Variants in EPS8L2 observed in about 807,000 individuals in gnomAD.
The protein encoded by EPS8L2 is EPS8 signaling adaptor L2, also known as epidermal growth factor receptor kinase substrate 8-like protein 2.
Under a neutral mutation model 99.4 loss-of-function variants are expected in EPS8L2, and 81 were observed. The observed-to-expected ratio is 0.82, with a 90% CI of 0.68 to 0.98. The LOEUF (loss-of-function observed/expected upper bound fraction) is 0.98. EPS8L2 is among the 50% of genes least tolerant of loss of function. EPS8L2 has a pLI of 0.00. For missense variants in EPS8L2, 1,155 were observed against 968.8 expected (o/e 1.19, Z -2.55); for synonymous variants, 509 against 407.3 (o/e 1.25, Z -3.01).
At position 726,441 on chromosome 11, in the gene EPS8L2, G is replaced by A. The variant is rs1303428385; in HGVS notation, c.1891G>A (p.Asp631Asn). The change falls in exon 19 of 21, where the codon GAC becomes AAC. Residue 631 changes from aspartate (D) to asparagine (N), a missense_variant. By Grantham distance (23) the Asp-to-Asn change is conservative. Transcript: ENST00000318562. ...SQPLTYESGP[D>N]EVRAWLEAKA... ...GCCGCTCACCTACGAGTCGGGTCCG[G>A]ACGAGGTCCGCGCCTGGCTGGAAGC... is the stretch of plus-strand genomic sequence containing the variant. The A allele has an allele frequency of 1.3e-6, 2 of 1,590,890 alleles. No homozygotes were observed. The highest frequency in any genetic ancestry group is 1.7e-6 in the Non-Finnish European group (2 of 1,170,348).
At position 721,293 on chromosome 11, in the gene EPS8L2, C is replaced by G. The variant is rs548063340; in HGVS notation, c.709C>G (p.Arg237Gly). The change falls in exon 9 of 21, where the codon CGT becomes GGT. Residue 237 changes from arginine to glycine, a missense_variant. Transcript: ENST00000318562. The stretch of plus-strand genomic sequence containing the variant: ...GCCGTGTCCCCCATCAGGTTTCCGC[C>G]GTCGGGAGTCGCAGGAGGAGCCGCG... ...QVPLSEPGFR[R>G]RESQEEPRAV... 1 of 1,539,980 alleles carries G rather than the reference C, an allele frequency of 6.5e-7. No individual in the cohort carries two copies. The highest frequency in any genetic ancestry group is 8.7e-7 in the Non-Finnish European group (1 of 1,146,428).
intron 3 of EPS8L2, 107 bp from the exon 4 acceptor site, chr11:710,315 C>A: frequency 9.3e-7 from 1 of 1,074,256 alleles, no homozygotes; most frequent in Non-Finnish European, 1.4e-6. Context: ...GTCCACGGAG[C>A]AGCCTCCCTC....
chr11:717,877 C>T (rs980411488), intron 4 of EPS8L2, among the ~76,000 whole-genome samples: 21 of 151,974 alleles, frequency 1.4e-4, no homozygotes, highest in East Asian at 3.9e-4. Context: ...GGCGTGGTGG[C>T]AGGCGCCTGT....
chr11:719,678 G>A (rs893030221), intron 4 of EPS8L2, among the ~76,000 whole-genome samples: 6 of 152,230 alleles, frequency 3.9e-5, no homozygotes, highest in South Asian at 2.1e-4. Flanking sequence ...AGGGCAGGTC[G>A]GGATGGGGTG....
chr11:725,101 C>A (rs1192605964), intron 16 of EPS8L2, among the ~76,000 whole-genome samples: 4 of 152,200 alleles, frequency 2.6e-5, no homozygotes, highest in Non-Finnish European at 4.4e-5. Flanking sequence ...GTGGACTCAG[C>A]GGGGGCCTGT....
At chr11:720,958 C>CCCGGCAGGGGAGGGGCGGAG in intron 7 of EPS8L2, 49 bp downstream of exon 7, 3 of 1,015,846 alleles carry the variant, frequency 3.0e-6, no homozygotes, top group Non-Finnish European at 4.0e-6. Flanking sequence ...AGGGGAGGAG[C>CCCGGCAGGGGAGGGGCGGAG]CCGGCAGGGG....
intron 14 of EPS8L2, 146 bp from the exon 15 acceptor site, chr11:723,095 C>T (rs1001855111): frequency 1.4e-5 from 8 of 584,040 alleles, no homozygotes; most frequent in Non-Finnish European, 2.1e-5. Flanking sequence ...AGAGGCAACC[C>T]ATGCTGGCAT....
intron 1 of EPS8L2, among the ~76,000 whole-genome samples, chr11:707,501 C>T (rs959895062): frequency 6.6e-6 from 1 of 152,196 alleles, no homozygotes; most frequent in African/African-American, 2.4e-5. Flanking sequence ...TGACCGGGCA[C>T]CCCGCTCTGC....
rs372344960 is a variant in EPS8L2, at chr11:709,155, TCAACTGGGACGTGGGGC to T, written c.-78-148_-78-132del. ...GAGGCATGACGAGGCTGATCGACTG[TCAACTGGGACGTGGGGC>T]CAACTGGGACGTGGGGCCAACTGGG... On this transcript the variant is annotated intron_variant, in intron 1 of 20. Transcript: ENST00000318562. The T allele has an allele frequency of 0.025, 14,571 of 586,626 alleles. 279 individuals carry two copies. The highest frequency in any genetic ancestry group is 0.063 in the African/African-American group (3,237 of 50,998). 36.3% of individuals were successfully genotyped at this position (586,626 alleles called of 1,614,324 possible).
Position 720,085 on chromosome 11 carries a change from C to G in EPS8L2, c.189C>G (p.Asp63Glu), listed in dbSNP as rs1862115650. ...HVQHLATFIM[D>E]KSEAITSVDD... ...AGCACCTGGCCACATTCATCATGGA[C>G]AAGAGCGAAGCCATCACGTCTGTGG... The change falls in exon 5 of 21, where the codon GAC becomes GAG. Residue 63 changes from aspartate (D) to glutamate (E), a missense_variant. Coordinates refer to ENST00000318562, the MANE Select transcript of EPS8L2 (RefSeq NM_022772.4). 1.9e-6 allele frequency: 3 copies of G among 1,612,900 alleles called. No individual in the cohort carries two copies. Among genetic ancestry groups the G allele is most frequent in the South Asian group, 1.1e-5 (1 of 91,064 alleles).
At chr11:726,505 A>G (rs781437068) in intron 19 of EPS8L2, 21 bp downstream of exon 19, 2 of 1,529,770 alleles carry the variant, frequency 1.3e-6, no homozygotes, top group African/African-American at 1.4e-5. Flanking sequence ...GCGGGGGATG[A>G]GCTGGGGCCC....
chr11:720,409 T>C, intron 5 of EPS8L2, 186 bp downstream of exon 5: 1 of 1,133,602 alleles, frequency 8.8e-7, no homozygotes. Context: ...CCAGGGAAGT[T>C]TGGAAGCCGG....
At position 721,986 on chromosome 11, in the gene EPS8L2, T is replaced by A; in HGVS notation, c.979T>A (p.Leu327Met). The change falls in exon 11 of 21, where the codon TTG becomes ATG. Residue 327 changes from leucine to methionine, a missense_variant. Transcript: ENST00000318562. ...CFQKIKLAIN[L>M]LAKLQKHIQN... ...CCAGAAAATCAAGCTGGCGATTAAC[T>A]TGCTGGTGGGTCCGGTGGCCCCAGC... 1 of 1,606,270 alleles carries A rather than the reference T, an allele frequency of 6.2e-7. No homozygotes were observed. The highest frequency in any genetic ancestry group is 8.5e-7 in the Non-Finnish European group (1 of 1,176,460).
chr11:718,576 C>T, intron 4 of EPS8L2, among the ~76,000 whole-genome samples: 1 of 151,548 alleles, frequency 6.6e-6, no homozygotes, highest in Non-Finnish European at 1.5e-5. Context: ...CTTTGACCTC[C>T]TGGGCTCAAG....
intron 17 of EPS8L2, 93 bp downstream of exon 17, chr11:725,940 T>A (rs1862305059): frequency 1.5e-6 from 2 of 1,373,248 alleles, no homozygotes; most frequent in Admixed American, 6.5e-5. Flanking sequence ...GCCCCGCGGC[T>A]GGAGAGACTG....
chr11:721,687 A>AGCAGGTGCAGGGGACAGGGACGGGGCCG lies in EPS8L2; in HGVS notation c.895+12_895+39dup. The AGCAGGTGCAGGGGACAGGGACGGGGCCG allele has an allele frequency of 1.3e-6, 2 of 1,595,784 alleles. No homozygotes were observed. The highest frequency in any genetic ancestry group is 1.1e-5 in the South Asian group (1 of 89,482). On this transcript the variant is annotated frameshift_variant, in exon 10 of 21. Coordinates refer to ENST00000318562, the MANE Select transcript of EPS8L2 (RefSeq NM_022772.4). LOFTEE classifies it high-confidence loss of function. ...GGAAGAAGAAGGGCAAGAAGGCGCC[A>AGCAGGTGCAGGGGACAGGGACGGGGCCG]GCAGGTGCAGGGGACAGGGACGGGG...
chr11:714,986 T>G (rs1861980303), intron 4 of EPS8L2, among the ~76,000 whole-genome samples: 1 of 152,122 alleles, frequency 6.6e-6, no homozygotes, highest in East Asian at 1.9e-4. Context: ...CTCATGCCTG[T>G]AATCCCAGCA....
intron 7 of EPS8L2, 49 bp downstream of exon 7, chr11:720,958 C>G (rs1862144040): frequency 9.8e-7 from 1 of 1,015,858 alleles, no homozygotes; most frequent in Non-Finnish European, 1.3e-6. Context: ...AGGGGAGGAG[C>G]CCGGCAGGGG....
At chr11:706,708 C>T (rs1266713257) in intron 1 of EPS8L2, 4 of 152,278 alleles carry the variant, frequency 2.6e-5, no homozygotes, top group Non-Finnish European at 4.4e-5. Flanking sequence ...GTGGAGGTAG[C>T]ACTGCACACC....
Sources: allele counts gnomAD v4.1 joint callset (sites outside exome capture counted in the v4.1 genomes callset), GRCh38; gene constraint gnomAD v4.1.1; transcripts MANE v1.5; gene names NCBI Gene and HGNC (gene_info 2026-07-23, HGNC 2026-07-21).